Variants in NPAS2 observed in about 807,000 individuals in gnomAD.
The protein encoded by NPAS2 is neuronal PAS domain-containing protein 2.
In NPAS2, 23 loss-of-function variants were observed where a neutral mutation model predicts 107.5. The observed-to-expected ratio is 0.21, with a 90% CI of 0.15 to 0.30. The LOEUF (loss-of-function observed/expected upper bound fraction) is 0.30. NPAS2 is among the 10% of genes least tolerant of loss of function. The pLI, the probability that NPAS2 is intolerant of heterozygous loss-of-function variation, is 1.00. For missense variants in NPAS2, 756 were observed against 1,043.3 expected, an observed-to-expected ratio of 0.72 and a Z score of 3.79; for synonymous variants, 403 against 417.5, an observed-to-expected ratio of 0.97 and a Z score of 0.42.
chr2:100,983,180 G>T (rs1677567032), intron 16 of NPAS2: 1 of 152,224 alleles, frequency 6.6e-6, no homozygotes, highest in African/African-American at 2.4e-5. Context: ...ACCCTTAGAA[G>T]GGACAGAAAG....
intron 15 of NPAS2, among the ~76,000 whole-genome samples, chr2:100,980,494 G>T (rs538575346): frequency 1.3e-5 from 2 of 151,620 alleles, no homozygotes; most frequent in African/African-American, 4.9e-5. Flanking sequence ...TTTTGAGACG[G>T]GGTCTCACTC....
chr2:100,908,637 C>T (rs1020231864), intron 2 of NPAS2, among the ~76,000 whole-genome samples: 1 of 152,140 alleles, frequency 6.6e-6, no homozygotes, highest in Non-Finnish European at 1.5e-5. Context: ...TTGCAAAATC[C>T]AGCTTACTCC....
At chr2:100,944,192 G>A (rs1014040033) in intron 5 of NPAS2, among the ~76,000 whole-genome samples, 5 of 152,100 alleles carry the variant, frequency 3.3e-5, no homozygotes, top group East Asian at 1.9e-4. Flanking sequence ...CTCTTAAGCC[G>A]TTCTTTTCTC....
At chr2:100,841,927 A>C (rs747199227) in intron 1 of NPAS2, among the ~76,000 whole-genome samples, 6 of 152,214 alleles carry the variant, frequency 3.9e-5, no homozygotes, top group Non-Finnish European at 8.8e-5. Context: ...ACATGTATGT[A>C]TACCATATAC....
chr2:100,967,801 C>T (rs560948422), intron 10 of NPAS2, among the ~76,000 whole-genome samples: 12 of 152,264 alleles, frequency 7.9e-5, no homozygotes, highest in Middle Eastern at 3.4e-3. Flanking sequence ...CATCTGTCCC[C>T]GACTCTTTAT....
chr2:100,852,849 AG>A (rs1196397033), intron 1 of NPAS2, among the ~76,000 whole-genome samples: 2 of 152,226 alleles, frequency 1.3e-5, no homozygotes, highest in African/African-American at 2.4e-5. Flanking sequence ...TAGTTCCTGC[AG>A]GGGCGTTCAG....
chr2:100,868,930 C>T (rs1250500858), intron 1 of NPAS2, among the ~76,000 whole-genome samples: 2 of 151,840 alleles, frequency 1.3e-5, no homozygotes, highest in Non-Finnish European at 2.9e-5. Flanking sequence ...ATTAAACATA[C>T]TTATTTTATT....
chr2:100,891,361 A>T (rs1282360330), intron 1 of NPAS2, among the ~76,000 whole-genome samples: 1 of 152,038 alleles, frequency 6.6e-6, no homozygotes, highest in Non-Finnish European at 1.5e-5. Flanking sequence ...ATGGTGCAAC[A>T]TGAGGGTATG....
intron 1 of NPAS2, among the ~76,000 whole-genome samples, chr2:100,843,263 T>C (rs537414365): frequency 1.3e-5 from 2 of 152,214 alleles, no homozygotes; most frequent in African/African-American, 4.8e-5. Flanking sequence ...GTCCCCACTT[T>C]TGGTCAGCCT....
chr2:100,953,921 A>G (rs541420410), intron 7 of NPAS2, among the ~76,000 whole-genome samples: 40 of 152,346 alleles, frequency 2.6e-4, no homozygotes, highest in Non-Finnish European at 4.9e-4. Flanking sequence ...ATCAAACACA[A>G]AGACACACAG....
At chr2:100,854,158 C>CAAAAAAAAAAA in intron 1 of NPAS2, among the ~76,000 whole-genome samples, 1 of 59,600 alleles carries the variant, frequency 1.7e-5, no homozygotes, top group Non-Finnish European at 3.0e-5. Flanking sequence ...CCTGCCTCAA[C>CAAAAAAAAAAA]AAAAAAAAAA....
At chr2:100,833,418 G>A (rs1676866408) in intron 1 of NPAS2, among the ~76,000 whole-genome samples, 1 of 152,218 alleles carries the variant, frequency 6.6e-6, no homozygotes, top group Non-Finnish European at 1.5e-5. Context: ...ACACCCAGCT[G>A]GGTAAATGCC....
chr2:100,964,448 C>T (rs1280305977), intron 8 of NPAS2, among the ~76,000 whole-genome samples: 1 of 152,230 alleles, frequency 6.6e-6, no homozygotes, highest in Non-Finnish European at 1.5e-5. Flanking sequence ...TTCACACCGG[C>T]GTTAATACCA....
At chr2:100,926,634 T>C (rs554570746) in intron 3 of NPAS2, among the ~76,000 whole-genome samples, 1 of 152,280 alleles carries the variant, frequency 6.6e-6, no homozygotes, top group East Asian at 1.9e-4. Context: ...TTTTAAATCA[T>C]TGATTTTTCT....
chr2:100,890,235 G>A (rs1680963235), intron 1 of NPAS2, among the ~76,000 whole-genome samples: 1 of 152,186 alleles, frequency 6.6e-6, no homozygotes, highest in Admixed American at 6.5e-5. Flanking sequence ...CCCCTACAGT[G>A]GGCCGGCTGT....
intron 3 of NPAS2, among the ~76,000 whole-genome samples, chr2:100,932,518 C>T (rs1474397201): frequency 2.0e-5 from 3 of 151,584 alleles, no homozygotes; most frequent in African/African-American, 7.3e-5. Context: ...TTTTGCTTCA[C>T]CTGGGCCATG....
Position 100,968,173 on chromosome 2 carries a change from T to G in NPAS2, c.908-108T>G. 1.7e-6 allele frequency: 2 copies of G among 1,181,790 alleles called. No individual in the cohort carries two copies. Among genetic ancestry groups the G allele is most frequent in the Non-Finnish European group, 1.2e-6 (1 of 819,278 alleles). 73.2% of individuals were successfully genotyped at this position (1,181,790 alleles called of 1,614,324 possible). ...AGGGCAACCGGGGAAACAAGCCATGTTTGGTATTGTCTTTTTTTTTGAAAG... is the reference window on the plus strand; with the variant it reads ...AGGGCAACCGGGGAAACAAGCCATGGTTGGTATTGTCTTTTTTTTTGAAAG... On this transcript the variant is annotated intron_variant, in intron 10 of 20. Transcript: ENST00000335681. The surrounding 1 kb of genome is among the most constrained non-coding windows in gnomAD (Gnocchi z 5.3).
At chr2:100,967,237 CTTTTTTTTTT>C (rs58558247) in intron 10 of NPAS2, among the ~76,000 whole-genome samples, 1,055 of 100,544 alleles carry the variant, frequency 0.01, 10 homozygotes, top group African/African-American at 0.038. Context: ...AGTCAGTGTC[CTTTTTTTTTT>C]TTTTTTTTTT....
At chr2:100,857,861 C>T (rs1308391627) in intron 1 of NPAS2, among the ~76,000 whole-genome samples, 1 of 152,236 alleles carries the variant, frequency 6.6e-6, no homozygotes, top group Non-Finnish European at 1.5e-5. Flanking sequence ...CTTGGTCTCT[C>T]TTATGTCTGC....
Sources: allele counts gnomAD v4.1 joint callset (sites outside exome capture counted in the v4.1 genomes callset), GRCh38; gene constraint gnomAD v4.1.1; non-coding constraint Gnocchi (gnomAD v3.1); transcripts MANE v1.5; gene names NCBI Gene and HGNC (gene_info 2026-07-23, HGNC 2026-07-21).